SGIP1: variants seen among roughly 807,000 people sequenced by gnomAD.
SGIP1 encodes SH3-containing GRB2-like protein 3-interacting protein 1.
Under a neutral mutation model 107.5 loss-of-function variants are expected in SGIP1, and 38 were observed. That is an observed-to-expected ratio of 0.35 (90% CI 0.27 to 0.46). SGIP1 has a LOEUF of 0.46. Among genes scored for constraint, SGIP1 ranks in the 20% least tolerant of loss-of-function variants. The pLI is 1.00. For missense variants in SGIP1, 929 were observed against 1,019.5 expected, an observed-to-expected ratio of 0.91 and a Z score of 1.21; for synonymous variants, 365 against 366.1, an observed-to-expected ratio of 1.00 and a Z score of 0.03.
intron 1 of SGIP1, among the ~76,000 whole-genome samples, chr1:66,619,438 C>T (rs963992959): frequency 2.6e-5 from 4 of 152,256 alleles, no homozygotes; most frequent in Non-Finnish European, 5.9e-5. Context: ...GTGTTAGAAC[C>T]TGGCTTTGTC....
chr1:66,669,403 C>A (rs147434659), intron 9 of SGIP1, among the ~76,000 whole-genome samples: 57 of 152,234 alleles, frequency 3.7e-4, no homozygotes, highest in African/African-American at 1.3e-3. Flanking sequence ...GGCTTTTAGG[C>A]CTCACAGTAC....
At chr1:66,708,694 C>G (rs1328076147) in intron 18 of SGIP1, among the ~76,000 whole-genome samples, 1 of 151,876 alleles carries the variant, frequency 6.6e-6, no homozygotes, top group Non-Finnish European at 1.5e-5. Context: ...AGGCAAAGAC[C>G]CAGGTTGAAG....
chr1:66,550,060 C>T (rs1357664321), intron 1 of SGIP1, among the ~76,000 whole-genome samples: 1 of 152,130 alleles, frequency 6.6e-6, no homozygotes, highest in Admixed American at 6.6e-5. Context: ...CCACTCTGCT[C>T]TATAAGCACC....
chr1:66,534,689 G>C (rs1466230089), intron 1 of SGIP1, among the ~76,000 whole-genome samples: 1 of 152,198 alleles, frequency 6.6e-6, no homozygotes, highest in Non-Finnish European at 1.5e-5. Context: ...AAGGTTTTCT[G>C]TTCTGGGTTC....
intron 17 of SGIP1, among the ~76,000 whole-genome samples, chr1:66,693,602 T>A (rs189837332): frequency 1.8e-4 from 27 of 152,344 alleles, no homozygotes; most frequent in African/African-American, 5.5e-4. Context: ...TTTATTCAAT[T>A]TTCTGTTAAA....
At chr1:66,686,206 C>T (rs985599379) in intron 15 of SGIP1, among the ~76,000 whole-genome samples, 1 of 152,164 alleles carries the variant, frequency 6.6e-6, no homozygotes, top group Non-Finnish European at 1.5e-5. Flanking sequence ...TGTGCCTTGA[C>T]CACTTCTCCC....
chr1:66,635,967 C>G lies in SGIP1; in HGVS notation c.123C>G (p.Pro41=), dbSNP rs534433911. The change falls in exon 4 of 25, where the codon CCC becomes CCG. Residue 41 remains proline (P), a synonymous_variant. Coordinates refer to ENST00000371037, the MANE Select transcript of SGIP1 (RefSeq NM_032291.4). ...AGCAGCCCAGCCCACACGAACCACC[C>G]TACAATAGCAAAGCAGAGTGTGCGC... The part of the protein sequence containing the change: ...DGIQPSPHEP[P]YNSKAECARE... 1.9e-6 allele frequency: 3 copies of G among 1,613,750 alleles called. No individual in the cohort carries two copies. The African/African-American group carries it at 4.0e-5, about 22-fold the overall frequency.
At chr1:66,739,940 A>G (rs995244051) in intron 22 of SGIP1, among the ~76,000 whole-genome samples, 9 of 152,188 alleles carry the variant, frequency 5.9e-5, no homozygotes, top group African/African-American at 2.2e-4. Context: ...CACAAACTAG[A>G]GGCTAGAGTG....
At position 66,681,876 on chromosome 1, in the gene SGIP1, C is replaced by A. The variant is rs776799305; in HGVS notation, c.822C>A (p.Asp274Glu). 8 of 1,610,116 alleles carry A rather than the reference C, an allele frequency of 5.0e-6. No individual in the cohort carries two copies. Among genetic ancestry groups the A allele is most frequent in the Non-Finnish European group, 6.8e-6 (8 of 1,177,570 alleles). Residue 274 changes from aspartate to glutamate, a missense_variant, in exon 15 of 25, where the codon GAC (aspartate) becomes GAA (glutamate). Physicochemically the swap from Asp to Glu is conservative, Grantham distance 45. Around this residue, in one of 2 missense-constraint regions of SGIP1, gnomAD observed 588 missense variants for 588.6 expected, o/e 1.00. Transcript: ENST00000371037. ...GSPLTIGPGNDQSATEVKIEK... is the reference protein window; with the variant it reads ...GSPLTIGPGNEQSATEVKIEK... ...CAACTACTTTAACCACAGGAAATGACCAGTCAGCCACAGAGGTCAAAATTG... is the reference window on the plus strand; with the variant it reads ...CAACTACTTTAACCACAGGAAATGAACAGTCAGCCACAGAGGTCAAAATTG...
intron 22 of SGIP1, among the ~76,000 whole-genome samples, chr1:66,739,781 C>G (rs530673581): frequency 6.6e-6 from 1 of 152,340 alleles, no homozygotes; most frequent in Admixed American, 6.5e-5. Flanking sequence ...CCTCCCAGAG[C>G]TCTGCAGAAC....
At chr1:66,582,881 G>A (rs1032142841) in intron 1 of SGIP1, among the ~76,000 whole-genome samples, 2 of 151,172 alleles carry the variant, frequency 1.3e-5, no homozygotes, top group African/African-American at 4.9e-5. Flanking sequence ...TTAACAGAGG[G>A]GCAACAAGAT....
intron 19 of SGIP1, among the ~76,000 whole-genome samples, chr1:66,722,094 C>T (rs1164565481): frequency 6.6e-6 from 1 of 152,148 alleles, no homozygotes; most frequent in Non-Finnish European, 1.5e-5. Context: ...CCAACCCTCA[C>T]CTCCATATTC....
At chr1:66,621,496 G>A (rs896271274) in intron 1 of SGIP1, among the ~76,000 whole-genome samples, 4 of 152,134 alleles carry the variant, frequency 2.6e-5, no homozygotes, top group Non-Finnish European at 4.4e-5. Flanking sequence ...GTAAAACTCA[G>A]TGGCATTTAG....
intron 15 of SGIP1, among the ~76,000 whole-genome samples, chr1:66,682,821 TTTTTTTTTCTA>T (rs1203711670): frequency 1.2e-5 from 1 of 86,488 alleles, no homozygotes; most frequent in African/African-American, 2.9e-5. Flanking sequence ...GTGGGCTTCT[TTTTTTTTTCTA>T]TTTTTTTCTT....
At chr1:66,737,917 T>C (rs766053263) in intron 21 of SGIP1, among the ~76,000 whole-genome samples, 6 of 152,064 alleles carry the variant, frequency 3.9e-5, no homozygotes, top group Non-Finnish European at 5.9e-5. Flanking sequence ...TCTGGCCCGA[T>C]AGCATCCCCC....
At chr1:66,684,131 A>G (rs1288298894) in intron 15 of SGIP1, 3 of 1,550,474 alleles carry the variant, frequency 1.9e-6, no homozygotes, top group South Asian at 1.2e-5. Context: ...GCTCAGAGAT[A>G]TCAAGTAATT....
chr1:66,744,559 T>A lies in SGIP1; in HGVS notation c.*1464T>A, dbSNP rs2094527985. The A allele has an allele frequency of 6.6e-6, 1 of 152,136 alleles. No individual in the cohort carries two copies. The highest frequency in any genetic ancestry group is 1.5e-5 in the Non-Finnish European group (1 of 67,942). The allele number at this position is 152,136 out of a possible 1,614,324, so 9.4% of individuals were successfully genotyped here. On this transcript the variant is annotated 3_prime_UTR_variant, in exon 25 of 25. Coordinates refer to ENST00000371037, the MANE Select transcript of SGIP1 (RefSeq NM_032291.4). The stretch of plus-strand genomic sequence containing the variant: ...TGTAATTATTAAGTTATTATTTTTA[T>A]AATTAGTTGTTAAATTTCATTTTAC...
rs183774273 is a variant in SGIP1 at position 66,655,959 on chromosome 1, C to T, written c.460-4554C>T. Among the ~76,000 whole-genome samples, 206 of 152,118 alleles carry T rather than the reference C, an allele frequency of 1.4e-3. 1 individual carries two copies. The highest frequency in any genetic ancestry group is 4.9e-3 in the African/African-American group (203 of 41,530). On this transcript the variant is annotated intron_variant, in intron 7 of 24. Coordinates refer to ENST00000371037, the MANE Select transcript of SGIP1 (RefSeq NM_032291.4). ...TTCTAAATTTTTTAAAATGTATTGA[C>T]TCTTTTGTTATAACATTTAATGCAA...
intron 1 of SGIP1, among the ~76,000 whole-genome samples, chr1:66,557,735 C>T (rs747418547): frequency 3.7e-4 from 57 of 152,090 alleles, no homozygotes; most frequent in Non-Finnish European, 6.3e-4. Flanking sequence ...AATGTCCCAA[C>T]CAGAAACTCA....
Sources: allele counts gnomAD v4.1 joint callset (sites outside exome capture counted in the v4.1 genomes callset), GRCh38; gene constraint gnomAD v4.1.1; regional missense constraint gnomAD v4.1.1; transcripts MANE v1.5; gene names NCBI Gene and HGNC (gene_info 2026-07-23, HGNC 2026-07-21).